Variants in AGBL4 observed in about 807,000 individuals in gnomAD.
The protein encoded by AGBL4 is AGBL carboxypeptidase 4.
In AGBL4, 58 loss-of-function variants were observed where a neutral mutation model predicts 66.4. That is an observed-to-expected ratio of 0.87 (90% confidence interval 0.71 to 1.09). The LOEUF is 1.09. Ranked by LOEUF, AGBL4 falls within the 50% of genes least tolerant of loss-of-function variation. AGBL4 has a pLI of 0.00. For missense variants in AGBL4, 579 were observed against 631.0 expected (o/e 0.92, Z 0.88); for synonymous variants, 234 against 222.9 (o/e 1.05, Z -0.44).
intron 4 of AGBL4, among the ~76,000 whole-genome samples, chr1:49,126,811 C>T (rs975554457): frequency 2.6e-5 from 4 of 152,088 alleles, no homozygotes; most frequent in African/African-American, 9.7e-5. Flanking sequence ...ACATAGCTCC[C>T]TAGCAATGGG....
intron 4 of AGBL4, among the ~76,000 whole-genome samples, chr1:49,069,371 C>G (rs1557613756): frequency 6.6e-6 from 1 of 152,168 alleles, no homozygotes; most frequent in Admixed American, 6.5e-5. Flanking sequence ...TTAGGTCTTA[C>G]ATTTAAGTCT....
intron 3 of AGBL4, among the ~76,000 whole-genome samples, chr1:49,501,060 T>C (rs1387007064): frequency 6.6e-6 from 1 of 152,110 alleles, no homozygotes; most frequent in African/African-American, 2.4e-5. Context: ...CAGTGTTTTG[T>C]AGTTTTCCTT....
intron 13 of AGBL4, among the ~76,000 whole-genome samples, chr1:48,534,554 T>C (rs1643938535): frequency 6.6e-6 from 1 of 152,230 alleles, no homozygotes; most frequent in Non-Finnish European, 1.5e-5. Context: ...AGGAAGTGGT[T>C]AGTGTCATAA....
At chr1:49,395,768 T>C (rs577093007) in intron 3 of AGBL4, among the ~76,000 whole-genome samples, 13 of 139,548 alleles carry the variant, frequency 9.3e-5, no homozygotes, top group African/African-American at 3.3e-4. Flanking sequence ...TATATACACA[T>C]ATATATACAT....
chr1:49,631,216 T>C (rs979824166), intron 3 of AGBL4, among the ~76,000 whole-genome samples: 1 of 152,188 alleles, frequency 6.6e-6, no homozygotes, highest in Admixed American at 6.6e-5. Flanking sequence ...ATAGACCTAC[T>C]TTGTACGGGC....
chr1:49,509,245 A>C (rs1213408561), intron 3 of AGBL4, among the ~76,000 whole-genome samples: 2 of 151,808 alleles, frequency 1.3e-5, no homozygotes, highest in Non-Finnish European at 2.9e-5. Context: ...ACACACACAA[A>C]GGCAAAGAGA....
At chr1:48,872,351 A>T (rs547104986) in intron 5 of AGBL4, among the ~76,000 whole-genome samples, 93 of 152,328 alleles carry the variant, frequency 6.1e-4, no homozygotes, top group African/African-American at 2.2e-3. Context: ...GTTTTGAAGT[A>T]GGAGAGTGTA....
chr1:49,569,240 G>T (rs1398006904), intron 3 of AGBL4, among the ~76,000 whole-genome samples: 1 of 152,052 alleles, frequency 6.6e-6, no homozygotes, highest in Admixed American at 6.6e-5. Context: ...GGGTAGTTGG[G>T]GGCTGGGGCA....
chr1:49,345,901 G>A (rs1645625247), intron 3 of AGBL4, among the ~76,000 whole-genome samples: 1 of 152,116 alleles, frequency 6.6e-6, no homozygotes, highest in Non-Finnish European at 1.5e-5. Flanking sequence ...GACTGGAATT[G>A]CTTGATTTCA....
intron 3 of AGBL4, among the ~76,000 whole-genome samples, chr1:49,561,580 A>G (rs575757432): frequency 6.6e-6 from 1 of 151,626 alleles, no homozygotes; most frequent in East Asian, 2.0e-4. Flanking sequence ...TCCTTGTGAT[A>G]GTTTGCTGAG....
intron 6 of AGBL4, among the ~76,000 whole-genome samples, chr1:48,766,705 CA>C (rs1477221503): frequency 6.6e-6 from 1 of 152,172 alleles, no homozygotes; most frequent in Non-Finnish European, 1.5e-5. Flanking sequence ...CATGCTTGGC[CA>C]GGGGGATTTC....
intron 4 of AGBL4, among the ~76,000 whole-genome samples, chr1:49,244,963 T>C (rs1307777388): frequency 6.6e-6 from 1 of 151,744 alleles, no homozygotes; most frequent in African/African-American, 2.4e-5. Flanking sequence ...CAGGGTAACA[T>C]AAATAACACA....
chr1:49,978,939 G>T (rs991286345), intron 1 of AGBL4, among the ~76,000 whole-genome samples: 3 of 152,024 alleles, frequency 2.0e-5, no homozygotes, highest in South Asian at 2.1e-4. Flanking sequence ...TGGACTGTGT[G>T]GGTACAATAT....
intron 3 of AGBL4, among the ~76,000 whole-genome samples, chr1:49,328,114 G>C (rs182453663): frequency 6.6e-6 from 1 of 152,130 alleles, no homozygotes; most frequent in South Asian, 2.1e-4. Flanking sequence ...ATAAGCCCAC[G>C]TGTAATCACC....
intron 4 of AGBL4, among the ~76,000 whole-genome samples, chr1:49,200,941 T>C (rs1647651610): frequency 6.6e-6 from 1 of 152,178 alleles, no homozygotes; most frequent in African/African-American, 2.4e-5. Context: ...TGATCTTTCC[T>C]GTGAACATCC....
intron 3 of AGBL4, among the ~76,000 whole-genome samples, chr1:49,677,829 T>G (rs1321904566): frequency 1.3e-5 from 2 of 152,102 alleles, no homozygotes; most frequent in African/African-American, 4.8e-5. Context: ...TTGCTTGCTT[T>G]CTCCACAGTG....
intron 3 of AGBL4, among the ~76,000 whole-genome samples, chr1:49,594,964 T>C (rs1170845741): frequency 6.6e-6 from 1 of 152,204 alleles, no homozygotes; most frequent in African/African-American, 2.4e-5. Context: ...CCACAATGGT[T>C]GAACTAGTTT....
the AGBL4 span, among the ~76,000 whole-genome samples, chr1:48,526,749 T>C: frequency 1.3e-5 from 2 of 152,122 alleles, no homozygotes; most frequent in African/African-American, 4.8e-5. Flanking sequence ...CTAGTAGTAA[T>C]AGCAACAGCA....
chr1:48,893,631 G>T (rs1651201321), intron 5 of AGBL4, among the ~76,000 whole-genome samples: 1 of 151,950 alleles, frequency 6.6e-6, no homozygotes, highest in Non-Finnish European at 1.5e-5. Context: ...CTTGCAGTGA[G>T]CCGAGATGGC....
Sources: gnomAD v4.1 joint callset for allele counts (sites outside exome capture counted in the v4.1 genomes callset) on GRCh38, gnomAD v4.1.1 for gene constraint, MANE v1.5 for transcripts, NCBI Gene and HGNC (gene_info 2026-07-23, HGNC 2026-07-21) for gene names.